Variants in FAM135B observed in about 807,000 individuals in gnomAD.
FAM135B encodes the protein protein FAM135B.
In FAM135B, 43 loss-of-function variants were observed where a neutral mutation model predicts 127.7. The observed-to-expected ratio is 0.34, with a 90% CI of 0.26 to 0.43. The LOEUF (loss-of-function observed/expected upper bound fraction) is 0.43, where lower values mean the gene tolerates loss of function less well. Among genes scored for constraint, FAM135B ranks in the 20% least tolerant of loss-of-function variants. The pLI, the probability that FAM135B is intolerant of heterozygous loss-of-function variation, is 1.00. For synonymous variants in FAM135B, 670 were observed against 665.1 expected, an observed-to-expected ratio of 1.01 and a Z score of -0.11; for missense variants, 1,558 against 1,725.6, an observed-to-expected ratio of 0.90 and a Z score of 1.72.
At chr8:138,489,998 G>C (rs1815137748) in intron 1 of FAM135B, among the ~76,000 whole-genome samples, 1 of 152,058 alleles carries the variant, frequency 6.6e-6, no homozygotes, top group African/African-American at 2.4e-5. Flanking sequence ...TTCTCTACTT[G>C]TTTGTCTTTT....
chr8:138,185,386 C>T (rs941432509), intron 9 of FAM135B, among the ~76,000 whole-genome samples: 1 of 152,182 alleles, frequency 6.6e-6, no homozygotes, highest in Non-Finnish European at 1.5e-5. Flanking sequence ...ACAGCAGAAA[C>T]TCGAGAAGCC....
chr8:138,281,331 A>C (rs928991803), intron 3 of FAM135B, among the ~76,000 whole-genome samples: 1 of 152,090 alleles, frequency 6.6e-6, no homozygotes, highest in Non-Finnish European at 1.5e-5. Context: ...CAAATCTCGC[A>C]GCTCTTCCTA....
intron 2 of FAM135B, among the ~76,000 whole-genome samples, chr8:138,332,526 G>A (rs573426398): frequency 2.6e-5 from 4 of 152,224 alleles, no homozygotes; most frequent in Non-Finnish European, 4.4e-5. Flanking sequence ...CCTGGGATTT[G>A]GACCTAGACC....
chr8:138,166,300 G>A (rs1290769443), intron 12 of FAM135B, among the ~76,000 whole-genome samples: 1 of 152,186 alleles, frequency 6.6e-6, no homozygotes, highest in Non-Finnish European at 1.5e-5. Flanking sequence ...GGGCCGTGGG[G>A]CAGGACAAGA....
At chr8:138,330,266 G>A (rs1487472772) in intron 2 of FAM135B, among the ~76,000 whole-genome samples, 1 of 152,088 alleles carries the variant, frequency 6.6e-6, no homozygotes. Flanking sequence ...GCTTTATGTG[G>A]TTCAGGGCAA....
In FAM135B at chr8:138,151,749, T is replaced by G. The variant is rs2130741450; in HGVS notation, c.2726A>C (p.Lys909Thr). 1 of 1,614,128 alleles carries G rather than the reference T, an allele frequency of 6.2e-7. No individual in the cohort carries two copies. The highest frequency in any genetic ancestry group is 8.5e-7 in the Non-Finnish European group (1 of 1,180,032). Residue 909 changes from lysine (K) to threonine (T), a missense_variant, in exon 13 of 20, where the codon AAA (lysine) becomes ACA (threonine). By Grantham distance (78) the Lys-to-Thr change is moderately conservative (BLOSUM62 -1). Transcript: ENST00000395297. The stretch of plus-strand genomic sequence containing the variant: ...AGCTTGCTGACCCACATTCAAGTCT[T>G]TAGGCATGCCCTTTGGGGTTTCCTC... ...ALEETPKGMP[K>T]DLNVGQQALS...
At position 138,215,891 on chromosome 8, in the gene FAM135B, A is replaced by G. The variant is rs190574679; in HGVS notation, c.670-18222T>C. Among the ~76,000 whole-genome samples the G allele has an allele frequency of 1.8e-4, 27 of 152,312 alleles. No homozygotes were observed. The East Asian group carries it at 5.0e-3, about 28-fold the overall frequency. On this transcript the variant is annotated intron_variant, in intron 7 of 19. Transcript: ENST00000395297. ...TGAGCAAGCATCAGTTTCTTTGGACATTCTCTCGGGAATGAGAATGAGATC... is the reference window on the plus strand; with the variant it reads ...TGAGCAAGCATCAGTTTCTTTGGACGTTCTCTCGGGAATGAGAATGAGATC...
intron 7 of FAM135B, among the ~76,000 whole-genome samples, chr8:138,237,582 T>C (rs1038133380): frequency 1.3e-5 from 2 of 152,190 alleles, no homozygotes; most frequent in African/African-American, 4.8e-5. Context: ...ATTACAGATG[T>C]TTCTGTGAAG....
intron 2 of FAM135B, among the ~76,000 whole-genome samples, chr8:138,341,405 A>G (rs1470689358): frequency 6.6e-6 from 1 of 152,232 alleles, no homozygotes; most frequent in East Asian, 1.9e-4. Context: ...TTGCCAGGGC[A>G]GGGAGAAAGG....
chr8:138,216,557 A>G (rs1160871087), intron 7 of FAM135B, among the ~76,000 whole-genome samples: 3 of 152,174 alleles, frequency 2.0e-5, no homozygotes, highest in Non-Finnish European at 4.4e-5. Context: ...TTCATTCTGA[A>G]TCCTAAAGAA....
chr8:138,344,347 G>C lies in FAM135B; in HGVS notation c.77+23560C>G, dbSNP rs984954092. ...AGAGAATCACAGCCCATCGTAACCC[G>C]GCGCCAGCTCGCCTCTCCAGCAGCC... On this transcript the variant is annotated intron_variant, in intron 2 of 19. Transcript: ENST00000395297. Among the ~76,000 whole-genome samples, 3 of 152,102 alleles carry C rather than the reference G, an allele frequency of 2.0e-5. No homozygotes were observed. In the East Asian group the frequency reaches 5.8e-4, roughly 30 times the overall value.
intron 11 of FAM135B, among the ~76,000 whole-genome samples, chr8:138,169,110 T>G (rs1820200141): frequency 6.6e-6 from 1 of 152,102 alleles, no homozygotes; most frequent in African/African-American, 2.4e-5. Context: ...TATGTATATT[T>G]CATATAATAT....
chr8:138,229,057 G>GTA (rs1254704447), intron 7 of FAM135B, among the ~76,000 whole-genome samples: 1 of 152,088 alleles, frequency 6.6e-6, no homozygotes, highest in Non-Finnish European at 1.5e-5. Context: ...GTGTGTGTGT[G>GTA]TGTGCGTGTG....
chr8:138,206,220 T>G (rs1370674882), intron 7 of FAM135B, among the ~76,000 whole-genome samples: 1 of 145,662 alleles, frequency 6.9e-6, no homozygotes, highest in Admixed American at 6.8e-5. Context: ...TCTCATCCCC[T>G]CCACCTACAC....
At chr8:138,236,577 C>G (rs1247342356) in intron 7 of FAM135B, among the ~76,000 whole-genome samples, 1 of 152,136 alleles carries the variant, frequency 6.6e-6, no homozygotes, top group African/African-American at 2.4e-5. Flanking sequence ...CCAGCTTGGT[C>G]CCTGCTCAGC....
chr8:138,451,320 C>T lies in FAM135B; in HGVS notation c.-20+45351G>A, dbSNP rs551360653. On this transcript the variant is annotated intron_variant, in intron 1 of 19. Transcript: ENST00000395297. ...ACCAAGAACCTTGACTGACACACTT[C>T]TTGTTGCATATGCCGTATTGTTATT... 4.6e-5 allele frequency among the ~76,000 whole-genome samples: 7 copies of T among 152,304 alleles called. No homozygotes were observed. In the East Asian group the frequency reaches 1.2e-3, roughly 25 times the overall value.
At chr8:138,229,688 C>G (rs546713178) in intron 7 of FAM135B, among the ~76,000 whole-genome samples, 2 of 152,114 alleles carry the variant, frequency 1.3e-5, no homozygotes, top group Admixed American at 1.3e-4. Flanking sequence ...AAGAACTGCC[C>G]GAGACTGGGT....
rs1283004019 is a variant in FAM135B, at chr8:138,243,245, G to C, written c.543-177C>G. ...TGTGGATATTTTGATGATAAAGAGGGTACAACTGGCACGTAAGCTTGAAAG... is the reference window on the plus strand; with the variant it reads ...TGTGGATATTTTGATGATAAAGAGGCTACAACTGGCACGTAAGCTTGAAAG... On this transcript the variant is annotated intron_variant, in intron 6 of 19. Coordinates refer to ENST00000395297, the MANE Select transcript of FAM135B (RefSeq NM_015912.4). This position sits in a 1 kb window ranked among gnomAD's most constrained non-coding sequence, Gnocchi z 7.5. 6.6e-6 allele frequency among the ~76,000 whole-genome samples: 1 copy of C among 152,118 alleles called. No individual in the cohort carries two copies. Among genetic ancestry groups the C allele is most frequent in the East Asian group, 1.9e-4 (1 of 5,192 alleles).
intron 3 of FAM135B, among the ~76,000 whole-genome samples, chr8:138,281,772 T>C (rs1415540057): frequency 6.6e-6 from 1 of 152,190 alleles, no homozygotes; most frequent in African/African-American, 2.4e-5. Context: ...ATGGCACATA[T>C]TACTGTTTGT....
Sources: gnomAD v4.1 joint callset for allele counts (sites outside exome capture counted in the v4.1 genomes callset) on GRCh38, gnomAD v4.1.1 for gene constraint, Gnocchi (gnomAD v3.1) non-coding constraint, MANE v1.5 for transcripts, NCBI Gene and HGNC (gene_info 2026-07-23, HGNC 2026-07-21) for gene names.